Variants in TALDO1 observed in about 807,000 individuals in gnomAD.
TALDO1 encodes the protein transaldolase 1.
Under a neutral mutation model 38.1 loss-of-function variants are expected in TALDO1, and 29 were observed. The ratio of observed to expected loss-of-function variants is 0.76; its 90% CI spans 0.57 to 1.04. TALDO1 has a LOEUF of 1.04. Ranked by LOEUF, TALDO1 falls within the 50% of genes least tolerant of loss-of-function variation. The probability of loss-of-function intolerance (pLI) is 0.00; values close to 1 mark genes in which losing one functional copy is unlikely to be tolerated. For missense variants in TALDO1, 499 were observed against 438.1 expected (o/e 1.14, Z -1.24); for synonymous variants, 207 against 176.8 (o/e 1.17, Z -1.36).
In TALDO1 at chr11:764,869, G is replaced by T. The variant is rs1804553; in HGVS notation, c.*24G>T. 3 of 1,613,920 alleles carry T rather than the reference G, an allele frequency of 1.9e-6. No homozygotes were observed. The highest frequency in any genetic ancestry group is 2.5e-6 in the Non-Finnish European group (3 of 1,180,048). On this transcript the variant is annotated 3_prime_UTR_variant, in exon 8 of 8. Transcript: ENST00000319006. ...AGCGCATCCCTGAGGCTGGACTCCA[G>T]ATCTGCACCGCCGGCCAGCTGGGAT...
chr11:758,192 G>A (rs1270897316), intron 2 of TALDO1, among the ~76,000 whole-genome samples: 2 of 152,206 alleles, frequency 1.3e-5, no homozygotes, highest in African/African-American at 4.8e-5. Flanking sequence ...GTTGAGGCAG[G>A]AGAATGGCGT....
Position 764,859 on chromosome 11 carries a change from CT to C in TALDO1, c.*15del. 6.2e-7 allele frequency: 1 copy of C among 1,614,002 alleles called. No homozygotes were observed. The highest frequency in any genetic ancestry group is 8.5e-7 in the Non-Finnish European group (1 of 1,180,044). ...AATGGAAAGTAGCGCATCCCTGAGG[CT>C]GGACTCCAGATCTGCACCGCCGGCC... On this transcript the variant is annotated 3_prime_UTR_variant, in exon 8 of 8. Coordinates refer to ENST00000319006, the MANE Select transcript of TALDO1 (RefSeq NM_006755.2).
intron 1 of TALDO1, among the ~76,000 whole-genome samples, chr11:755,468 C>T (rs1862819602): frequency 2.6e-5 from 4 of 152,156 alleles, no homozygotes; most frequent in Admixed American, 2.6e-4. Flanking sequence ...GACTCTGTTG[C>T]AGCTGGGTAT....
intron 1 of TALDO1, among the ~76,000 whole-genome samples, chr11:750,073 C>G (rs1205409988): frequency 6.6e-6 from 1 of 152,078 alleles, no homozygotes; most frequent in Non-Finnish European, 1.5e-5. Context: ...GCTCAGGGCT[C>G]CCCAGTTTCC....
chr11:762,765 T>C (rs1862960860), intron 4 of TALDO1, among the ~76,000 whole-genome samples: 1 of 152,230 alleles, frequency 6.6e-6, no homozygotes, highest in South Asian at 2.1e-4. Context: ...CAAAGTGCAC[T>C]GGGATTTGGG....
chr11:759,023 A>G lies in TALDO1; in HGVS notation c.295A>G (p.Ile99Val). ...GTTTGGAGCAGAAATACTAAAGAAGATTCCGGGCCGAGTATCCACAGAAGT... is the reference window on the plus strand; with the variant it reads ...GTTTGGAGCAGAAATACTAAAGAAGGTTCCGGGCCGAGTATCCACAGAAGT... ...VLFGAEILKK[I>V]PGRVSTEVDA... The change falls in exon 3 of 8, where the codon ATT becomes GTT. Residue 99 changes from isoleucine (I) to valine (V), a missense_variant. By Grantham distance (29) the Ile-to-Val change is conservative (BLOSUM62 3). Transcript: ENST00000319006. 1 of 1,613,224 alleles carries G rather than the reference A, an allele frequency of 6.2e-7. No homozygotes were observed. Among genetic ancestry groups the G allele is most frequent in the Non-Finnish European group, 8.5e-7 (1 of 1,179,402 alleles).
chr11:754,703 C>T (rs1862803441), intron 1 of TALDO1, among the ~76,000 whole-genome samples: 1 of 152,070 alleles, frequency 6.6e-6, no homozygotes, highest in Non-Finnish European at 1.5e-5. Flanking sequence ...AACTCCTGAC[C>T]TCAGGCGATC....
intron 1 of TALDO1, among the ~76,000 whole-genome samples, chr11:754,335 TATAAA>T (rs1862797901): frequency 6.6e-6 from 1 of 152,154 alleles, no homozygotes; most frequent in Non-Finnish European, 1.5e-5. Flanking sequence ...ATGTCAGCTT[TATAAA>T]AGGGACCACC....
At chr11:761,486 T>A (rs1289685552) in intron 4 of TALDO1, among the ~76,000 whole-genome samples, 1 of 151,848 alleles carries the variant, frequency 6.6e-6, no homozygotes, top group East Asian at 1.9e-4. Flanking sequence ...GGTGACAGAG[T>A]GAGACCCTGT....
chr11:752,787 G>A (rs1340831340), intron 1 of TALDO1, among the ~76,000 whole-genome samples: 3 of 152,188 alleles, frequency 2.0e-5, no homozygotes, highest in South Asian at 2.1e-4. Context: ...ATCTGCTCCA[G>A]CAAATTAATG....
chr11:759,043 A>C lies in TALDO1; in HGVS notation c.315A>C (p.Thr105=). 2 of 1,612,430 alleles carry C rather than the reference A, an allele frequency of 1.2e-6. No homozygotes were observed. Among genetic ancestry groups the C allele is most frequent in the Non-Finnish European group, 1.7e-6 (2 of 1,178,854 alleles). The change falls in exon 3 of 8, where the codon ACA becomes ACC. Residue 105 remains threonine (T), a synonymous_variant. Transcript: ENST00000319006. The part of the protein sequence containing the change: ...ILKKIPGRVS[T]EVDARLSFDK... ...AGAAGATTCCGGGCCGAGTATCCAC[A>C]GAAGTAGACGCAAGGTAAGGATGCT... is the stretch of plus-strand genomic sequence containing the variant.
At chr11:748,883 G>C (rs1312262410) in intron 1 of TALDO1, among the ~76,000 whole-genome samples, 3 of 152,196 alleles carry the variant, frequency 2.0e-5, no homozygotes, top group Non-Finnish European at 4.4e-5. Context: ...CTGCTGCTCA[G>C]TTTTTTCCCT....
chr11:761,627 AG>A (rs1429413157), intron 4 of TALDO1, among the ~76,000 whole-genome samples: 2 of 152,238 alleles, frequency 1.3e-5, no homozygotes, highest in African/African-American at 2.4e-5. Flanking sequence ...AATTCGCATC[AG>A]GAAGAGGTGT....
chr11:758,911 A>T, intron 2 of TALDO1, 39 bp from the exon 3 acceptor site: 1 of 1,573,296 alleles, frequency 6.4e-7, no homozygotes, highest in Non-Finnish European at 8.7e-7. Flanking sequence ...GGCGAACCTC[A>T]GAAGCTTCTA....
chr11:762,858 G>A (rs1360157455), intron 4 of TALDO1, among the ~76,000 whole-genome samples: 1 of 152,250 alleles, frequency 6.6e-6, no homozygotes, highest in Non-Finnish European at 1.5e-5. Context: ...CCCAGGAATG[G>A]GTAGGGTGGA....
intron 3 of TALDO1, among the ~76,000 whole-genome samples, chr11:759,539 C>G (rs763616998): frequency 6.6e-6 from 1 of 152,118 alleles, no homozygotes; most frequent in Non-Finnish European, 1.5e-5. Context: ...GGATCACAGG[C>G]ATGAGCCACT....
chr11:751,688 G>A (rs1029817109), intron 1 of TALDO1, among the ~76,000 whole-genome samples: 1 of 152,100 alleles, frequency 6.6e-6, no homozygotes, highest in Non-Finnish European at 1.5e-5. Context: ...CCAGCTACTC[G>A]AGAGGCTGAG....
intron 4 of TALDO1, 166 bp downstream of exon 4, chr11:760,419 C>A: frequency 1.0e-6 from 1 of 1,003,846 alleles, no homozygotes; most frequent in Non-Finnish European, 1.5e-6. Flanking sequence ...CTAGATCTGC[C>A]CTCTGCTCCA....
intron 7 of TALDO1, 27 bp from the exon 8 acceptor site, chr11:764,786 C>G (rs368020922): frequency 8.7e-6 from 14 of 1,614,136 alleles, no homozygotes; most frequent in Non-Finnish European, 1.1e-5. Flanking sequence ...GGTGGGGAGA[C>G]ACAGCTCGTG....
Sources: allele counts gnomAD v4.1 joint callset (sites outside exome capture counted in the v4.1 genomes callset), GRCh38; gene constraint gnomAD v4.1.1; transcripts MANE v1.5; gene names NCBI Gene and HGNC (gene_info 2026-07-23, HGNC 2026-07-21).